ZNF423: variants seen among roughly 807,000 people sequenced by gnomAD.
The protein encoded by ZNF423 is zinc finger protein 423, also known as Ebf-associated zinc finger protein.
ZNF423 carries 12 observed loss-of-function variants against 95.8 expected under a neutral mutation model. The observed-to-expected ratio is 0.13, with a 90% CI of 0.08 to 0.20. ZNF423 has a LOEUF of 0.20. Among genes scored for constraint, ZNF423 ranks in the 10% least tolerant of loss-of-function variants. ZNF423 has a pLI of 1.00. For missense variants in ZNF423, 1,316 were observed against 1,737.1 expected, an observed-to-expected ratio of 0.76 and a Z score of 4.31; for synonymous variants, 749 against 711.9, an observed-to-expected ratio of 1.05 and a Z score of -0.83.
At chr16:49,749,415 G>C (rs556065949) in intron 2 of ZNF423, among the ~76,000 whole-genome samples, 12 of 152,346 alleles carry the variant, frequency 7.9e-5, no homozygotes, top group African/African-American at 2.9e-4. Flanking sequence ...AAAAAACGAT[G>C]CTTTACTGTT....
At chr16:49,628,534 TATCCATCCATCC>T (rs60254976) in intron 4 of ZNF423, among the ~76,000 whole-genome samples, 1 of 150,874 alleles carries the variant, frequency 6.6e-6, no homozygotes, top group African/African-American at 2.4e-5. Flanking sequence ...TCCATCCATC[TATCCATCCATCC>T]ATCCATCCAT....
chr16:49,688,187 C>A (rs2151943771), intron 3 of ZNF423, among the ~76,000 whole-genome samples: 1 of 151,314 alleles, frequency 6.6e-6, no homozygotes, highest in African/African-American at 2.4e-5. Flanking sequence ...AGCTCAGCGG[C>A]AGAAAAAAGG....
chr16:49,597,914 T>C (rs1336285586), intron 5 of ZNF423, among the ~76,000 whole-genome samples: 1 of 152,180 alleles, frequency 6.6e-6, no homozygotes, highest in Non-Finnish European at 1.5e-5. Flanking sequence ...GGCTGGAATA[T>C]TTGGTAATCA....
At chr16:49,826,416 G>A (rs1597045293) in intron 1 of ZNF423, among the ~76,000 whole-genome samples, 1 of 152,236 alleles carries the variant, frequency 6.6e-6, no homozygotes, top group East Asian at 1.9e-4. Context: ...TAAGGGGAAG[G>A]GGAACAAGTC....
intron 4 of ZNF423, among the ~76,000 whole-genome samples, chr16:49,631,419 C>G (rs924113055): frequency 1.3e-5 from 2 of 151,578 alleles, no homozygotes; most frequent in African/African-American, 4.9e-5. Context: ...CCACTCTCAA[C>G]CCCCCTGGAG....
At chr16:49,642,052 T>C (rs2151892761) in intron 3 of ZNF423, among the ~76,000 whole-genome samples, 1 of 152,352 alleles carries the variant, frequency 6.6e-6, no homozygotes, top group Middle Eastern at 3.4e-3. Flanking sequence ...TTGCCAATAA[T>C]AAGAATTAGT....
intron 2 of ZNF423, among the ~76,000 whole-genome samples, chr16:49,756,858 G>A (rs1160870317): frequency 3.3e-5 from 5 of 152,206 alleles, no homozygotes; most frequent in Non-Finnish European, 4.4e-5. Flanking sequence ...GCCAGCATGC[G>A]CGGGGAGGGG....
At chr16:49,739,032 C>T (rs765602999) in intron 2 of ZNF423, among the ~76,000 whole-genome samples, 1 of 151,844 alleles carries the variant, frequency 6.6e-6, no homozygotes, top group Admixed American at 6.6e-5. Flanking sequence ...CAGGGACTGT[C>T]GGGGATGACA....
chr16:49,716,266 G>T (rs2032703051), intron 3 of ZNF423, among the ~76,000 whole-genome samples: 1 of 151,954 alleles, frequency 6.6e-6, no homozygotes, highest in Middle Eastern at 3.2e-3. Flanking sequence ...ACCCTCAGAG[G>T]GGTCAGACCC....
intron 1 of ZNF423, among the ~76,000 whole-genome samples, chr16:49,810,547 C>T (rs2143955169): frequency 6.6e-6 from 1 of 152,296 alleles, no homozygotes; most frequent in African/African-American, 2.4e-5. Context: ...GCTGTGAGCT[C>T]CCTGAGGGAC....
At chr16:49,588,959 A>T (rs1004773214) in intron 5 of ZNF423, among the ~76,000 whole-genome samples, 2 of 152,224 alleles carry the variant, frequency 1.3e-5, no homozygotes, top group African/African-American at 4.8e-5. Flanking sequence ...TGTGAAGTGC[A>T]TGACTTCAAG....
chr16:49,822,573 A>C, intron 1 of ZNF423: 1 of 993,864 alleles, frequency 1.0e-6, no homozygotes, highest in Non-Finnish European at 1.5e-6. Context: ...AAGGGATGAG[A>C]CCCACATTGT....
chr16:49,678,093 T>C (rs1229214676), intron 3 of ZNF423, among the ~76,000 whole-genome samples: 1 of 151,930 alleles, frequency 6.6e-6, no homozygotes, highest in Non-Finnish European at 1.5e-5. Flanking sequence ...TGAGGCAGGA[T>C]AATTGCTTGA....
chr16:49,652,052 C>T (rs12933976), intron 3 of ZNF423, among the ~76,000 whole-genome samples: 46,389 of 152,028 alleles, frequency 0.31, 9,785 homozygotes, highest in African/African-American at 0.6. Context: ...GCTCTCATTA[C>T]ACAAACAGAG....
chr16:49,769,139 T>C (rs1296877143), intron 2 of ZNF423, among the ~76,000 whole-genome samples: 1 of 152,132 alleles, frequency 6.6e-6, no homozygotes, highest in Admixed American at 6.5e-5. Context: ...GTGGATCACC[T>C]GAGGTCAGGA....
intron 1 of ZNF423, among the ~76,000 whole-genome samples, chr16:49,845,063 A>C (rs949142670): frequency 5.9e-5 from 8 of 134,564 alleles, no homozygotes; most frequent in Non-Finnish European, 1.1e-4. Flanking sequence ...AAAAAAAAAA[A>C]CAAATCTTTT....
At chr16:49,821,688 G>A (rs2034943634) in intron 1 of ZNF423, among the ~76,000 whole-genome samples, 1 of 152,126 alleles carries the variant, frequency 6.6e-6, no homozygotes, top group African/African-American at 2.4e-5. Context: ...CTTTGTCCCT[G>A]CCTGGCAGCC....
intron 3 of ZNF423, among the ~76,000 whole-genome samples, chr16:49,706,177 A>G (rs2032343864): frequency 6.6e-6 from 1 of 152,158 alleles, no homozygotes; most frequent in Non-Finnish European, 1.5e-5. Context: ...AAAAAAATGA[A>G]TTTTGGTCTC....
chr16:49,722,299 T>A (rs1567311001), intron 3 of ZNF423, among the ~76,000 whole-genome samples: 1 of 152,202 alleles, frequency 6.6e-6, no homozygotes, highest in East Asian at 1.9e-4. Context: ...AGTGGAAGCC[T>A]GCTAGCAGGT....
Sources: allele counts gnomAD v4.1 joint callset (sites outside exome capture counted in the v4.1 genomes callset), GRCh38; gene constraint gnomAD v4.1.1; transcripts MANE v1.5; gene names NCBI Gene and HGNC (gene_info 2026-07-23, HGNC 2026-07-21).